Variants in GLRB observed in about 807,000 individuals in gnomAD.
GLRB encodes glycine receptor beta, also known as glycine receptor subunit beta.
Under a neutral mutation model 54.2 loss-of-function variants are expected in GLRB, and 33 were observed. That is an observed-to-expected ratio of 0.61 (90% CI 0.46 to 0.81). GLRB has a LOEUF of 0.81. Ranked by LOEUF, GLRB falls within the 40% of genes least tolerant of loss-of-function variation. The probability of loss-of-function intolerance (pLI) is 0.00; values close to 1 mark genes in which losing one functional copy is unlikely to be tolerated. For missense variants in GLRB, 572 were observed against 584.6 expected, an observed-to-expected ratio of 0.98 and a Z score of 0.22; for synonymous variants, 209 against 208.2, an observed-to-expected ratio of 1.00 and a Z score of -0.03.
At chr4:157,076,518 C>T (rs1734037632) in intron 1 of GLRB, 1 of 151,960 alleles carries the variant, frequency 6.6e-6, no homozygotes, top group African/African-American at 2.4e-5. Context: ...TGCGGTGGCG[C>T]CCGCGGAGAC....
At chr4:157,105,675 CT>C (rs1409281370) in intron 2 of GLRB, among the ~76,000 whole-genome samples, 1 of 151,984 alleles carries the variant, frequency 6.6e-6, no homozygotes, top group Non-Finnish European at 1.5e-5. Flanking sequence ...TCAATGTTTC[CT>C]TATAAATTTC....
chr4:157,100,404 A>G (rs751895940), intron 2 of GLRB, among the ~76,000 whole-genome samples: 1 of 152,190 alleles, frequency 6.6e-6, no homozygotes, highest in African/African-American at 2.4e-5. Flanking sequence ...TCTTTATTGT[A>G]AATCAATTAT....
At chr4:157,114,901 C>T (rs1023903290) in intron 2 of GLRB, among the ~76,000 whole-genome samples, 1 of 151,664 alleles carries the variant, frequency 6.6e-6, no homozygotes, top group Non-Finnish European at 1.5e-5. Context: ...GAGGAGAGTG[C>T]CCGTGGAGTT....
intron 2 of GLRB, among the ~76,000 whole-genome samples, chr4:157,088,786 C>A (rs1035098186): frequency 1.3e-5 from 2 of 152,082 alleles, no homozygotes; most frequent in Admixed American, 6.6e-5. Flanking sequence ...AAATTTTCTT[C>A]GTTTCTTTGG....
At chr4:157,095,696 A>T (rs755470990) in intron 2 of GLRB, among the ~76,000 whole-genome samples, 1 of 152,150 alleles carries the variant, frequency 6.6e-6, no homozygotes, top group Non-Finnish European at 1.5e-5. Context: ...TAAAGCTAGG[A>T]TCATGTCTGT....
chr4:157,158,269 C>T (rs1737317423), intron 9 of GLRB, among the ~76,000 whole-genome samples: 1 of 152,026 alleles, frequency 6.6e-6, no homozygotes, highest in Non-Finnish European at 1.5e-5. Context: ...AATTTTCTCC[C>T]ATTCTGTAGG....
At chr4:157,106,373 A>C (rs1048908642) in intron 2 of GLRB, among the ~76,000 whole-genome samples, 2 of 152,024 alleles carry the variant, frequency 1.3e-5, no homozygotes, top group African/African-American at 4.8e-5. Context: ...GTGCATGTTG[A>C]TGAGATGTCA....
At chr4:157,165,576 T>G (rs529558123) in intron 9 of GLRB, among the ~76,000 whole-genome samples, 4 of 152,158 alleles carry the variant, frequency 2.6e-5, no homozygotes, top group Admixed American at 2.6e-4. Flanking sequence ...GAGGTTTTTA[T>G]AATTTGTGGC....
chr4:157,137,159 G>C (rs1412498869), intron 6 of GLRB, among the ~76,000 whole-genome samples: 1 of 151,986 alleles, frequency 6.6e-6, no homozygotes, highest in African/African-American at 2.4e-5. Context: ...ATTTGAGTTG[G>C]TAATACAGGC....
chr4:157,160,637 C>T (rs533570598), intron 9 of GLRB, among the ~76,000 whole-genome samples: 8 of 151,880 alleles, frequency 5.3e-5, no homozygotes, highest in African/African-American at 1.7e-4. Context: ...TGTAGTTGAG[C>T]GGTTTTGAGT....
intron 2 of GLRB, among the ~76,000 whole-genome samples, chr4:157,090,797 ATATC>A (rs1487447838): frequency 6.6e-6 from 1 of 152,202 alleles, no homozygotes; most frequent in Non-Finnish European, 1.5e-5. Flanking sequence ...CAAAAAAATC[ATATC>A]TATCTAATAT....
At position 157,145,935 on chromosome 4, in the gene GLRB, G is replaced by T. The variant is rs113963293; in HGVS notation, c.904+1976G>T. Among the ~76,000 whole-genome samples the T allele has an allele frequency of 6.6e-4, 101 of 152,196 alleles. No individual in the cohort carries two copies. The South Asian group carries it at 9.1e-3, about 14-fold the overall frequency. On this transcript the variant is annotated intron_variant, in intron 8 of 9. Coordinates refer to ENST00000264428, the MANE Select transcript of GLRB (RefSeq NM_000824.5). The stretch of plus-strand genomic sequence containing the variant: ...TGTGGCTGGAGCAGAACAAGTCAAA[G>T]GGAGAGTAGTGGGAAAGGAGGTCAG...
At chr4:157,166,569 A>G (rs7662150) in intron 9 of GLRB, among the ~76,000 whole-genome samples, 6,926 of 152,128 alleles carry the variant, frequency 0.046, 241 homozygotes, top group African/African-American at 0.097. Flanking sequence ...AACTAATCTT[A>G]TTCTTTATTC....
rs113653644 is a variant in GLRB, at chr4:157,134,534, T to C, written c.298-1935T>C. On this transcript the variant is annotated intron_variant, in intron 4 of 9. Transcript: ENST00000264428. ...CTAAAGTAAATAAATAAAGAATACC[T>C]ATAAGATTTTAATACTTATATCCCT... is the stretch of plus-strand genomic sequence containing the variant. Among the ~76,000 whole-genome samples, 531 of 152,114 alleles carry C rather than the reference T, an allele frequency of 3.5e-3. 1 individual carries two copies. The highest frequency in any genetic ancestry group is 5.4e-3 in the Non-Finnish European group (364 of 67,970).
intron 9 of GLRB, among the ~76,000 whole-genome samples, chr4:157,163,540 C>A (rs1560978734): frequency 6.6e-6 from 1 of 152,044 alleles, no homozygotes. Flanking sequence ...GGGGTGGGAG[C>A]ACATTTTTTT....
chr4:157,149,344 G>A (rs1408477668), intron 8 of GLRB, among the ~76,000 whole-genome samples: 1 of 152,000 alleles, frequency 6.6e-6, no homozygotes, highest in Non-Finnish European at 1.5e-5. Flanking sequence ...AGAATTTTAG[G>A]TAAGGACTTT....
rs76834406 is a variant in GLRB at position 157,113,267 on chromosome 4, A to G, written c.123-7289A>G. Among the ~76,000 whole-genome samples, 1,176 of 152,038 alleles carry G rather than the reference A, an allele frequency of 7.7e-3. 23 individuals are homozygous for G. The East Asian group carries it at 0.1, about 13-fold the overall frequency. ...GGTTGCAGAGTTAGAAGTCGTAACT[A>G]TGGATTTGTACTTGCTGGGCCAGGA... is the stretch of plus-strand genomic sequence containing the variant. On this transcript the variant is annotated intron_variant, in intron 2 of 9. Transcript: ENST00000264428.
At chr4:157,080,022 G>A (rs1734169960) in intron 2 of GLRB, among the ~76,000 whole-genome samples, 2 of 152,052 alleles carry the variant, frequency 1.3e-5, no homozygotes, top group African/African-American at 4.8e-5. Flanking sequence ...TTATTCTGAA[G>A]ATGGCAACAG....
chr4:157,083,296 A>G (rs1201239994), intron 2 of GLRB, among the ~76,000 whole-genome samples: 1 of 152,142 alleles, frequency 6.6e-6, no homozygotes, highest in Non-Finnish European at 1.5e-5. Context: ...AAAAACTGTG[A>G]TGGTGATGAG....
Sources: gnomAD v4.1 joint callset for allele counts (sites outside exome capture counted in the v4.1 genomes callset) on GRCh38, gnomAD v4.1.1 for gene constraint, MANE v1.5 for transcripts, NCBI Gene and HGNC (gene_info 2026-07-23, HGNC 2026-07-21) for gene names.